Variants in CNKSR2 observed in about 807,000 individuals in gnomAD.
CNKSR2 encodes CNK homolog protein 2.
Under a neutral mutation model 84.4 loss-of-function variants are expected in CNKSR2, and 14 were observed. The observed-to-expected ratio is 0.17, with a 90% CI of 0.11 to 0.26. CNKSR2 has a LOEUF of 0.26. Among genes scored for constraint, CNKSR2 ranks in the 10% least tolerant of loss-of-function variants. The pLI is 1.00. For synonymous variants in CNKSR2, 275 were observed against 277.9 expected, an observed-to-expected ratio of 0.99 and a Z score of 0.10; for missense variants, 485 against 771.2, an observed-to-expected ratio of 0.63 and a Z score of 4.40.
At chrX:21,447,957 T>C (rs927155736) in intron 4 of CNKSR2, among the ~76,000 whole-genome samples, 58 of 111,301 alleles carry the variant, frequency 5.2e-4, no homozygotes, top group African/African-American at 1.8e-3. Context: ...ATGCCTCAAG[T>C]GATTCAAATA....
Position 21,652,574 on chromosome X carries a change from A to G in CNKSR2, c.*53A>G, listed in dbSNP as rs1317037843. The G allele has an allele frequency of 5.3e-6, 5 of 950,666 alleles. No individual in the cohort carries two copies. The highest frequency in any genetic ancestry group is 2.4e-5 in the Admixed American group (1 of 42,361). 78.3% of individuals were successfully genotyped at this position (950,666 alleles called of 1,213,427 possible). ...ACCTGCTGGTACTCTGAACAAGTAT[A>G]TAAGGTAGTTTTTATATCAATGTGT... On this transcript the variant is annotated 3_prime_UTR_variant, in exon 22 of 22. Coordinates refer to ENST00000379510, the MANE Select transcript of CNKSR2 (RefSeq NM_014927.5).
intron 15 of CNKSR2, 41 bp downstream of exon 15, chrX:21,591,235 C>A: frequency 9.6e-7 from 1 of 1,041,236 alleles, no homozygotes; most frequent in Non-Finnish European, 1.3e-6. Flanking sequence ...CATTCTCTAT[C>A]TTTAATCAAA....
chrX:21,484,666 G>A (rs983808921), intron 5 of CNKSR2, among the ~76,000 whole-genome samples: 1 of 111,265 alleles, frequency 9.0e-6, no homozygotes, highest in African/African-American at 3.3e-5. Flanking sequence ...TGCATCAAAT[G>A]AATTTTCTGA....
At chrX:21,448,024 T>C (rs1457768233) in intron 4 of CNKSR2, among the ~76,000 whole-genome samples, 1 of 110,941 alleles carries the variant, frequency 9.0e-6, no homozygotes, top group Non-Finnish European at 1.9e-5. Context: ...GAGACAAATA[T>C]GAGGTGGGAA....
chrX:21,393,645 A>G (rs2090081661), intron 1 of CNKSR2, among the ~76,000 whole-genome samples: 1 of 112,480 alleles, frequency 8.9e-6, no homozygotes, highest in African/African-American at 3.2e-5. Context: ...TGTTAGAAGC[A>G]AATTGTGTGA....
intron 17 of CNKSR2, among the ~76,000 whole-genome samples, chrX:21,597,123 G>A (rs1214475136): frequency 9.0e-6 from 1 of 111,710 alleles, no homozygotes; most frequent in African/African-American, 3.3e-5. Flanking sequence ...TTAATACAAT[G>A]TAATCATTCA....
intron 8 of CNKSR2, chrX:21,503,453 A>G (rs781773059): frequency 4.9e-4 from 136 of 276,618 alleles, no homozygotes; most frequent in Non-Finnish European, 8.0e-4. Flanking sequence ...ATTTTATTTC[A>G]TTTAGTCCAT....
chrX:21,470,877 C>T (rs1169783764), intron 5 of CNKSR2, 70 bp downstream of exon 5: 1 of 554,006 alleles, frequency 1.8e-6, no homozygotes, highest in Non-Finnish European at 2.8e-6. Context: ...AGAGGTGAAC[C>T]ATAAGAAAAA....
At chrX:21,515,041 TAAAAAA>T (rs111880925) in intron 8 of CNKSR2, among the ~76,000 whole-genome samples, 1 of 104,705 alleles carries the variant, frequency 9.6e-6, no homozygotes, top group Non-Finnish European at 2.0e-5. Context: ...TAATGTGATT[TAAAAAA>T]AAAAACTGGC....
Position 21,562,718 on chromosome X carries a change from A to G in CNKSR2, c.1394-520A>G, listed in dbSNP as rs188307993. On this transcript the variant is annotated intron_variant, in intron 12 of 21. Coordinates refer to ENST00000379510, the MANE Select transcript of CNKSR2 (RefSeq NM_014927.5). ...GGGGAGGGGAACCATGTGAAGTACT[A>G]AGAGCTGACTACCAATTTAAGCATA... Among the ~76,000 whole-genome samples, 196 of 111,432 alleles carry G rather than the reference A, an allele frequency of 1.8e-3. 1 individual carries two copies. Among genetic ancestry groups the G allele is most frequent in the South Asian group, 0.011 (30 of 2,655 alleles).
At chrX:21,474,282 CAG>C (rs1160403687) in intron 5 of CNKSR2, among the ~76,000 whole-genome samples, 2 of 111,284 alleles carry the variant, frequency 1.8e-5, no homozygotes, top group Non-Finnish European at 3.8e-5. Flanking sequence ...TTCTGGAAAA[CAG>C]AGCCTACAAC....
intron 4 of CNKSR2, among the ~76,000 whole-genome samples, chrX:21,457,982 A>G (rs2091015391): frequency 8.9e-6 from 1 of 112,211 alleles, no homozygotes; most frequent in African/African-American, 3.2e-5. Flanking sequence ...ATAGACTGGA[A>G]TCTGCTGTTT....
intron 20 of CNKSR2, among the ~76,000 whole-genome samples, chrX:21,648,088 A>T (rs954695266): frequency 2.7e-5 from 3 of 111,630 alleles, no homozygotes; most frequent in Non-Finnish European, 5.7e-5. Flanking sequence ...TTTTCTCCTC[A>T]GGTCTTACAA....
At chrX:21,601,140 A>G (rs2092479193) in intron 17 of CNKSR2, 142 bp from the exon 18 acceptor site, 2 of 379,624 alleles carry the variant, frequency 5.3e-6, no homozygotes, top group South Asian at 6.8e-5. Flanking sequence ...TAAAGATTCT[A>G]TGTATCAATA....
At chrX:21,506,542 T>G (rs1166661472) in intron 8 of CNKSR2, 1 of 111,715 alleles carries the variant, frequency 9.0e-6, no homozygotes, top group Non-Finnish European at 1.9e-5. Context: ...AGAAATCAAT[T>G]TATTACTTTA....
chrX:21,590,008 A>G (rs757452029), intron 13 of CNKSR2, among the ~76,000 whole-genome samples: 2 of 111,227 alleles, frequency 1.8e-5, no homozygotes, highest in Non-Finnish European at 1.9e-5. Flanking sequence ...AGTAAATGTT[A>G]TTAGAACTGA....
chrX:21,453,670 A>G (rs1218949460), intron 4 of CNKSR2, among the ~76,000 whole-genome samples: 1 of 111,683 alleles, frequency 9.0e-6, no homozygotes, highest in Non-Finnish European at 1.9e-5. Flanking sequence ...CCATTCTTGC[A>G]TAGGTTTAAA....
At chrX:21,402,280 C>A (rs1286242968) in intron 1 of CNKSR2, among the ~76,000 whole-genome samples, 1 of 110,522 alleles carries the variant, frequency 9.0e-6, no homozygotes, top group Non-Finnish European at 1.9e-5. Flanking sequence ...TTATAACACC[C>A]CTATTTTTGT....
chrX:21,604,787 A>G (rs867927894), intron 18 of CNKSR2, among the ~76,000 whole-genome samples: 11 of 111,367 alleles, frequency 9.9e-5, no homozygotes, highest in Middle Eastern at 4.6e-3. Context: ...CCATTTACCT[A>G]CAGGGTGATT....
Sources: allele counts gnomAD v4.1 joint callset (sites outside exome capture counted in the v4.1 genomes callset), GRCh38; gene constraint gnomAD v4.1.1; transcripts MANE v1.5; gene names NCBI Gene and HGNC (gene_info 2026-07-23, HGNC 2026-07-21).